ATG10: variants seen among roughly 807,000 people sequenced by gnomAD.
The protein encoded by ATG10 is autophagy related 10, also known as ubiquitin-like-conjugating enzyme ATG10.
In ATG10, 30 loss-of-function variants were observed where a neutral mutation model predicts 32.1. The ratio of observed to expected loss-of-function variants is 0.94; its 90% CI spans 0.70 to 1.27. The LOEUF (loss-of-function observed/expected upper bound fraction) is 1.27, where lower values mean the gene tolerates loss of function less well. ATG10 is among the 50% of genes most tolerant of loss of function. ATG10 has a pLI of 0.00. For missense variants in ATG10, 233 were observed against 262.3 expected, an observed-to-expected ratio of 0.89 and a Z score of 0.77; for synonymous variants, 87 against 91.5, an observed-to-expected ratio of 0.95 and a Z score of 0.28.
intron 7 of ATG10, among the ~76,000 whole-genome samples, 176 bp downstream of exon 7, chr5:82,253,605 A>T (rs1410622557): frequency 6.6e-6 from 1 of 152,190 alleles, no homozygotes; most frequent in African/African-American, 2.4e-5. Flanking sequence ...GGGATCCCCA[A>T]ATCCCAGGCC....
At chr5:81,975,884 A>C (rs1003781145) in intron 1 of ATG10, among the ~76,000 whole-genome samples, 3 of 152,048 alleles carry the variant, frequency 2.0e-5, no homozygotes, top group Admixed American at 6.5e-5. Flanking sequence ...ATAACATACA[A>C]AATAAAGAGA....
chr5:81,985,756 C>G (rs1048967542), intron 1 of ATG10, among the ~76,000 whole-genome samples: 8 of 152,082 alleles, frequency 5.3e-5, no homozygotes, highest in African/African-American at 1.4e-4. Context: ...ATAGAAATAA[C>G]AGTTGTCTTT....
chr5:82,049,131 A>T (rs1763319351), intron 2 of ATG10, among the ~76,000 whole-genome samples: 1 of 151,680 alleles, frequency 6.6e-6, no homozygotes, highest in South Asian at 2.1e-4. Context: ...CACAATAGCA[A>T]AGACTTGGAA....
intron 3 of ATG10, among the ~76,000 whole-genome samples, chr5:82,151,866 G>T (rs1280888755): frequency 6.6e-6 from 1 of 152,136 alleles, no homozygotes; most frequent in East Asian, 1.9e-4. Flanking sequence ...TAGAGAAGGG[G>T]ATTGAAATAT....
rs575761616 is a variant in ATG10, at chr5:82,245,418, C to A, written c.454-7144C>A. 1.1e-3 allele frequency among the ~76,000 whole-genome samples: 174 copies of A among 152,316 alleles called. 2 individuals carry two copies. The highest frequency in any genetic ancestry group is 2.3e-3 in the Admixed American group (35 of 15,294). ...ACTTGTAAATTCTCTACTCTACTTT[C>A]CGTGAATACAAATTGCTGGGCTTGC... is the stretch of plus-strand genomic sequence containing the variant. On this transcript the variant is annotated intron_variant, in intron 5 of 7. Coordinates refer to ENST00000282185, the MANE Select transcript of ATG10 (RefSeq NM_031482.5).
At chr5:82,062,016 A>G (rs1424245415) in intron 3 of ATG10, among the ~76,000 whole-genome samples, 1 of 151,156 alleles carries the variant, frequency 6.6e-6, no homozygotes, top group Non-Finnish European at 1.5e-5. Flanking sequence ...TTTTTTAGAG[A>G]TGTGGATCTT....
chr5:81,990,321 GT>G (rs1357040445), intron 2 of ATG10, among the ~76,000 whole-genome samples: 1 of 151,958 alleles, frequency 6.6e-6, no homozygotes, highest in Non-Finnish European at 1.5e-5. Context: ...CTTTTCACCA[GT>G]TTTTTTTCTT....
At chr5:82,142,094 A>G (rs913528786) in intron 3 of ATG10, among the ~76,000 whole-genome samples, 1 of 152,246 alleles carries the variant, frequency 6.6e-6, no homozygotes, top group Non-Finnish European at 1.5e-5. Flanking sequence ...ACACAGATGA[A>G]GCAGTGAGAA....
At chr5:82,049,665 T>C (rs1763344650) in intron 2 of ATG10, among the ~76,000 whole-genome samples, 1 of 152,204 alleles carries the variant, frequency 6.6e-6, no homozygotes, top group Admixed American at 6.6e-5. Flanking sequence ...AAATGTTTAC[T>C]TGAAAAACAG....
intron 4 of ATG10, among the ~76,000 whole-genome samples, chr5:82,166,171 G>GGGT (rs1275156529): frequency 6.6e-6 from 1 of 152,000 alleles, no homozygotes; most frequent in Non-Finnish European, 1.5e-5. Context: ...TAATGACATT[G>GGGT]GTGTAGTTTC....
intron 2 of ATG10, among the ~76,000 whole-genome samples, chr5:81,991,546 T>C (rs1761458926): frequency 6.6e-6 from 1 of 152,076 alleles, no homozygotes; most frequent in Admixed American, 6.6e-5. Context: ...AAGTCTTGTT[T>C]ACTTTGGGAG....
At chr5:82,149,162 T>C (rs1767484231) in intron 3 of ATG10, among the ~76,000 whole-genome samples, 1 of 152,012 alleles carries the variant, frequency 6.6e-6, no homozygotes, top group African/African-American at 2.4e-5. Flanking sequence ...AATAATGCCT[T>C]ATCTCATAAG....
At chr5:82,063,635 G>C (rs1763855246) in intron 3 of ATG10, among the ~76,000 whole-genome samples, 1 of 152,026 alleles carries the variant, frequency 6.6e-6, no homozygotes, top group Admixed American at 6.6e-5. Context: ...TGGGATTACA[G>C]GCACCCATCA....
At chr5:82,204,967 T>C (rs137936989) in intron 5 of ATG10, among the ~76,000 whole-genome samples, 1,617 of 151,994 alleles carry the variant, frequency 0.011, 35 homozygotes, top group African/African-American at 0.037. Context: ...AAGGAAAAAA[T>C]AGCCTAAGAG....
intron 2 of ATG10, among the ~76,000 whole-genome samples, chr5:82,011,757 A>G (rs1762133487): frequency 6.6e-6 from 1 of 152,160 alleles, no homozygotes; most frequent in Non-Finnish European, 1.5e-5. Flanking sequence ...CCTGTCTTTT[A>G]GTTTCAACCA....
At chr5:82,049,834 A>G (rs1018314462) in intron 2 of ATG10, among the ~76,000 whole-genome samples, 4 of 152,182 alleles carry the variant, frequency 2.6e-5, no homozygotes, top group Non-Finnish European at 5.9e-5. Context: ...ACAGAGTGAA[A>G]GGAAAGTTTT....
At chr5:82,098,822 CACA>C (rs554130042) in intron 3 of ATG10, among the ~76,000 whole-genome samples, 47 of 152,304 alleles carry the variant, frequency 3.1e-4, no homozygotes, top group Admixed American at 8.5e-4. Flanking sequence ...TTAAGTGATC[CACA>C]ACAAGTCAGC....
chr5:82,199,534 C>G (rs543743964), intron 5 of ATG10, among the ~76,000 whole-genome samples: 2 of 152,264 alleles, frequency 1.3e-5, no homozygotes, highest in South Asian at 4.1e-4. Context: ...TACCTAAAAA[C>G]TATTTTACCT....
chr5:82,124,787 A>G (rs1365949035), intron 3 of ATG10, among the ~76,000 whole-genome samples: 3 of 152,046 alleles, frequency 2.0e-5, no homozygotes, highest in Admixed American at 1.3e-4. Flanking sequence ...ATGATTTATA[A>G]TCCTTTGGAT....
Sources: allele counts gnomAD v4.1 joint callset (sites outside exome capture counted in the v4.1 genomes callset), GRCh38; gene constraint gnomAD v4.1.1; transcripts MANE v1.5; gene names NCBI Gene and HGNC (gene_info 2026-07-23, HGNC 2026-07-21).